The following KHNYN variants were observed in gnomAD, a reference collection of about 807,000 sequenced individuals.
KHNYN encodes KH and NYN domain containing, also known as protein KHNYN.
Under a neutral mutation model 62.7 loss-of-function variants are expected in KHNYN, and 42 were observed. That is an observed-to-expected ratio of 0.67 (90% CI 0.52 to 0.87). The LOEUF is 0.87. Among genes scored for constraint, KHNYN ranks in the 40% least tolerant of loss-of-function variants. The probability of loss-of-function intolerance (pLI) is 0.00; values close to 1 mark genes in which losing one functional copy is unlikely to be tolerated. For missense variants in KHNYN, 829 were observed against 874.1 expected, an observed-to-expected ratio of 0.95 and a Z score of 0.65; for synonymous variants, 347 against 345.6, an observed-to-expected ratio of 1.00 and a Z score of -0.04.
rs986849793 is a variant in KHNYN at position 24,432,353 on chromosome 14, G to A, written c.1092G>A (p.Pro364=). Residue 364 remains proline, a synonymous_variant, in exon 3 of 8, where the codon CCG becomes CCA. Coordinates refer to ENST00000553935, the MANE Select transcript of KHNYN (RefSeq NM_015299.3). The surrounding 1 kb of genome is among the most constrained non-coding windows in gnomAD (Gnocchi z 5.6). ...GGGTGCCCAGCCCTCCACCTGCACC[G>A]GAACCCCCATGGCACTGTGGAGACC... ...PPRVPSPPPA[P]EPPWHCGDRG... 25 of 1,613,834 alleles carry A rather than the reference G, an allele frequency of 1.5e-5. No individual in the cohort carries two copies. Among genetic ancestry groups the A allele is most frequent in the African/African-American group, 1.3e-4 (10 of 74,916 alleles).
rs1286511171 is a variant in KHNYN at position 24,431,921 on chromosome 14, G to T, written c.660G>T (p.Gln220His). ...GGAGCTCAGCCTTGCTGGGTGCTCA[G>T]TGCCAAGGAGTGAGAGCTCCCCCTA... ...EGRSSALLGA[Q>H]CQGVRAPPSD... Residue 220 changes from glutamine (Q) to histidine (H), a missense_variant, in exon 3 of 8, where the codon CAG becomes CAT. Around this residue, in one of 2 missense-constraint regions of KHNYN, gnomAD observed 559 missense variants for 527.0 expected, o/e 1.06. Transcript: ENST00000553935. The T allele has an allele frequency of 6.2e-7, 1 of 1,613,990 alleles. No homozygotes were observed. Among genetic ancestry groups the T allele is most frequent in the South Asian group, 1.1e-5 (1 of 91,084 alleles).
Position 24,440,155 on chromosome 14 carries a change from C to T in KHNYN, c.*2870C>T, listed in dbSNP as rs771647553. The T allele has an allele frequency of 8.7e-6, 14 of 1,613,610 alleles. No homozygotes were observed. In the African/African-American group the frequency reaches 1.2e-4, roughly 14 times the overall value. ...ACTGGTAGCCAGTGGCCAGTGTTCG[C>T]TGTGGGATCACCTTCTGGCCCTCCA... is the stretch of plus-strand genomic sequence containing the variant. On this transcript the variant is annotated 3_prime_UTR_variant, in exon 8 of 8. Transcript: ENST00000553935.
In KHNYN at chr14:24,434,305, C is replaced by T. The variant is rs56003088; in HGVS notation, c.1577+1273C>T. ...CACAGTGGTACACAGCGTAGGCATA[C>T]GGAATGAATGTTGCTGAACAACATA... On this transcript the variant is annotated intron_variant, in intron 5 of 7. Transcript: ENST00000553935. 9.0e-3 allele frequency: 8,836 copies of T among 985,154 alleles called. 605 individuals are homozygous for T. In the African/African-American group the frequency reaches 0.14, roughly 16 times the overall value. The allele number at this position is 985,154 out of a possible 1,614,324, so 61.0% of individuals were successfully genotyped here.
rs762374722 is a variant in KHNYN, at chr14:24,440,242, G to A, written c.*2957G>A. The A allele has an allele frequency of 6.2e-7, 1 of 1,613,928 alleles. No homozygotes were observed. The highest frequency in any genetic ancestry group is 8.5e-7 in the Non-Finnish European group (1 of 1,179,794). On this transcript the variant is annotated 3_prime_UTR_variant, in exon 8 of 8. Coordinates refer to ENST00000553935, the MANE Select transcript of KHNYN (RefSeq NM_015299.3). Reference sequence around the variant, plus strand: ...GCACCACAGCGCTGGGGAGAGGGATGAAGGCTCGGCGGCCCAGGGCAGCAC... The same window carrying A: ...GCACCACAGCGCTGGGGAGAGGGATAAAGGCTCGGCGGCCCAGGGCAGCAC...
intron 1 of KHNYN, chr14:24,430,339 C>G (rs2043083080): frequency 1.3e-6 from 1 of 759,410 alleles, no homozygotes; most frequent in African/African-American, 1.9e-5. Context: ...CCAGGGCCCC[C>G]AGAGGACAGC....
Position 24,432,600 on chromosome 14 carries a change from G to A in KHNYN, c.1339G>A (p.Val447Met), listed in dbSNP as rs750247971. 4 of 1,605,928 alleles carry A rather than the reference G, an allele frequency of 2.5e-6. No homozygotes were observed. Among genetic ancestry groups the A allele is most frequent in the Non-Finnish European group, 2.6e-6 (3 of 1,174,096 alleles). Residue 447 changes from valine (V) to methionine (M), a missense_variant, in exon 3 of 8, where the codon GTG becomes ATG. Physicochemically the swap from Val to Met is conservative, Grantham distance 21. This residue lies in a region of KHNYN where 270 missense variants were observed against 347.1 expected (regional missense o/e 0.78). Coordinates refer to ENST00000553935, the MANE Select transcript of KHNYN (RefSeq NM_015299.3). The surrounding 1 kb of genome is among the most constrained non-coding windows in gnomAD (Gnocchi z 5.6). The part of the protein sequence containing the change: ...LRHIVIDGSN[V>M]AMVHGLQHYF... ...CCATATTGTCATTGACGGCAGCAAC[G>A]TGGCCATGGTGTGAGTACCTGGTGG...
Position 24,437,268 on chromosome 14 carries a change from C to T in KHNYN, c.2020C>T (p.Leu674Phe), listed in dbSNP as rs765098596. Residue 674 changes from leucine to phenylalanine, a missense_variant, in exon 8 of 8, where the codon CTC (leucine) becomes TTC (phenylalanine). Physicochemically the swap from Leu to Phe is conservative, Grantham distance 22 (BLOSUM62 0). This residue lies in a region of KHNYN where 270 missense variants were observed against 347.1 expected (regional missense o/e 0.78). Transcript: ENST00000553935. This position sits in a 1 kb window ranked among gnomAD's most constrained non-coding sequence, Gnocchi z 5.5. ...RDINQLSEAL[L>F]SLNF ...CATCAACCAACTGTCTGAGGCCCTG[C>T]TCAGTCTTAACTTTTGAGCCTCACC... The T allele has an allele frequency of 2.5e-6, 4 of 1,613,720 alleles. No homozygotes were observed. The South Asian group carries it at 4.4e-5, about 18-fold the overall frequency.
chr14:24,431,524 T>C lies in KHNYN; in HGVS notation c.263T>C (p.Leu88Pro). The change falls in exon 3 of 8, where the codon CTG (leucine) becomes CCG (proline). Residue 88 changes from leucine (L) to proline (P), a missense_variant. Leu to Pro is a moderately conservative substitution (Grantham distance 98). Transcript: ENST00000553935. ...GATGAAATCCACTACCCGCCCAAAC[T>C]GCACTGCATCTTTCTGGGAGCCCAG... ...LQDEIHYPPKLHCIFLGAQGF... is the reference protein window; with the variant it reads ...LQDEIHYPPKPHCIFLGAQGF... The C allele has an allele frequency of 6.2e-7, 1 of 1,608,080 alleles. No homozygotes were observed. The highest frequency in any genetic ancestry group is 1.1e-5 in the South Asian group (1 of 90,882).
upstream of KHNYN, chr14:24,428,142 C>T: frequency 1.5e-6 from 2 of 1,335,398 alleles, no homozygotes; most frequent in East Asian, 2.3e-5. Flanking sequence ...CCTCCACACT[C>T]AATGCAAGGC....
chr14:24,424,575 G>A (rs112613658), upstream of KHNYN, among the ~76,000 whole-genome samples: 1,074 of 152,264 alleles, frequency 7.1e-3, 15 homozygotes, highest in African/African-American at 0.024. Context: ...AGATTATCCT[G>A]GCTTATCTGG....
Position 24,439,752 on chromosome 14 carries a change from G to T in KHNYN, c.*2467G>T. On this transcript the variant is annotated 3_prime_UTR_variant, in exon 8 of 8. Coordinates refer to ENST00000553935, the MANE Select transcript of KHNYN (RefSeq NM_015299.3). ...AAATCCCAGGAGAATCTAGGCCAAA[G>T]AGATGAGCCAAGGTTAGTGAGACAA... The T allele has an allele frequency of 5.0e-6, 1 of 198,788 alleles. No individual in the cohort carries two copies. 12.3% of individuals were successfully genotyped at this position (198,788 alleles called of 1,614,324 possible).
upstream of KHNYN, among the ~76,000 whole-genome samples, chr14:24,425,093 C>T (rs895324047): frequency 1.2e-4 from 18 of 152,196 alleles, no homozygotes; most frequent in African/African-American, 2.6e-4. Flanking sequence ...CCCAGCTACT[C>T]GGGAGGCTGA....
At position 24,441,640 on chromosome 14, in the gene KHNYN, C is replaced by T. The variant is rs11628143; in HGVS notation, c.*4355C>T. 0.88 allele frequency: 1,359,755 copies of T among 1,543,372 alleles called. 604,971 individuals carry two copies. Among genetic ancestry groups the T allele is most frequent in the Non-Finnish European group, 0.9 (1,033,655 of 1,143,568 alleles). Reference sequence around the variant, plus strand: ...GGTCTGAGTTACCCCGTTCCCCTGGCGAATATAAGGGGCTGGTGATTTGGG... The same window carrying T: ...GGTCTGAGTTACCCCGTTCCCCTGGTGAATATAAGGGGCTGGTGATTTGGG... On this transcript the variant is annotated 3_prime_UTR_variant, in exon 8 of 8. Coordinates refer to ENST00000553935, the MANE Select transcript of KHNYN (RefSeq NM_015299.3).
chr14:24,428,484 G>A, upstream of KHNYN: 2 of 1,533,468 alleles, frequency 1.3e-6, no homozygotes, highest in Non-Finnish European at 8.9e-7. Context: ...AGGGGCAGGG[G>A]CAGTGAGTAA....
upstream of KHNYN, among the ~76,000 whole-genome samples, chr14:24,424,921 G>T (rs533142762): frequency 3.3e-5 from 5 of 152,304 alleles, no homozygotes; most frequent in South Asian, 4.1e-4. Context: ...GTTGTTTTAA[G>T]CCACCAAGTT....
chr14:24,431,746 G>A lies in KHNYN; in HGVS notation c.485G>A (p.Arg162Lys). ...SGASQCTGVLRDFSALLQSPG... is the reference protein window; with the variant it reads ...SGASQCTGVLKDFSALLQSPG... ...GCCTCTCAGTGTACTGGAGTGCTGA[G>A]AGACTTCTCTGCCCTGCTGCAGTCC... The change falls in exon 3 of 8, where the codon AGA (arginine) becomes AAA (lysine). Residue 162 changes from arginine to lysine, a missense_variant. This residue lies in a region of KHNYN where 559 missense variants were observed against 527.0 expected (regional missense o/e 1.06). Transcript: ENST00000553935. 6.2e-7 allele frequency: 1 copy of A among 1,614,200 alleles called. No individual in the cohort carries two copies. The highest frequency in any genetic ancestry group is 1.1e-5 in the South Asian group (1 of 91,086).
At chr14:24,433,929 A>C (rs2043166290) in intron 5 of KHNYN, among the ~76,000 whole-genome samples, 1 of 152,184 alleles carries the variant, frequency 6.6e-6, no homozygotes, top group Non-Finnish European at 1.5e-5. Flanking sequence ...AAAAATTTAC[A>C]AGTTCTTTAT....
intron 5 of KHNYN, 136 bp downstream of exon 5, chr14:24,433,168 G>T (rs2043152245): frequency 3.9e-6 from 3 of 773,754 alleles, no homozygotes; most frequent in South Asian, 1.6e-5. Flanking sequence ...ATTCCTCTGT[G>T]TGCCTTATGA....
chr14:24,427,718 G>C, upstream of KHNYN: 1 of 1,436,418 alleles, frequency 7.0e-7, no homozygotes, highest in Non-Finnish European at 9.8e-7. The surrounding 1 kb of genome is among the most constrained non-coding windows in gnomAD (Gnocchi z 4.4). Context: ...TGCCTCTGCT[G>C]TTTCTGGGGC....
Sources: gnomAD v4.1 joint callset for allele counts (sites outside exome capture counted in the v4.1 genomes callset) on GRCh38, gnomAD v4.1.1 for gene constraint, gnomAD v4.1.1 regional missense constraint, Gnocchi (gnomAD v3.1) non-coding constraint, MANE v1.5 for transcripts, NCBI Gene and HGNC (gene_info 2026-07-23, HGNC 2026-07-21) for gene names.